Variants in GRK5 observed in about 807,000 individuals in gnomAD.
The protein encoded by GRK5 is G protein-coupled receptor kinase 5.
A neutral mutation model predicts 78.4 loss-of-function variants in GRK5; 40 were observed. That is an observed-to-expected ratio of 0.51 (90% CI 0.40 to 0.66). The LOEUF is 0.66. GRK5 is among the 30% of genes least tolerant of loss of function. The pLI is 0.00. For synonymous variants in GRK5, 289 were observed against 296.8 expected (o/e 0.97, Z 0.27); for missense variants, 598 against 759.9 (o/e 0.79, Z 2.50).
intron 1 of GRK5, among the ~76,000 whole-genome samples, chr10:119,299,778 C>T: frequency 7.0e-6 from 1 of 142,308 alleles, no homozygotes. Flanking sequence ...GTGTCACAGA[C>T]TCTTCATTTA....
chr10:119,394,389 TGTGTCTGTGTGTGGGC>T, intron 3 of GRK5, among the ~76,000 whole-genome samples: 1 of 88,878 alleles, frequency 1.1e-5, no homozygotes, highest in Non-Finnish European at 2.5e-5. Context: ...TGTGTGTATC[TGTGTCTGTGTGTGGGC>T]ATGTGTGTGG....
chr10:119,402,707 A>G (rs569652534), intron 4 of GRK5, among the ~76,000 whole-genome samples: 5 of 152,080 alleles, frequency 3.3e-5, no homozygotes, highest in Admixed American at 6.5e-5. Flanking sequence ...ACAAAAAATC[A>G]GCTGGGCATG....
chr10:119,319,001 C>T (rs903184440), intron 1 of GRK5, among the ~76,000 whole-genome samples: 6 of 152,196 alleles, frequency 3.9e-5, no homozygotes, highest in African/African-American at 7.2e-5. Context: ...GTGCTTGGCC[C>T]GTGCTTAAGA....
intron 1 of GRK5, among the ~76,000 whole-genome samples, chr10:119,315,609 G>A (rs1850472282): frequency 6.6e-6 from 1 of 152,218 alleles, no homozygotes; most frequent in South Asian, 2.1e-4. Context: ...ATATTTTCTG[G>A]AAATCCAGCC....
intron 3 of GRK5, among the ~76,000 whole-genome samples, chr10:119,392,043 G>C (rs562131222): frequency 6.6e-6 from 1 of 152,286 alleles, no homozygotes; most frequent in African/African-American, 2.4e-5. Context: ...CTTTGAAAAC[G>C]TGGCAGGTTC....
At chr10:119,395,601 TG>T (rs1202043575) in intron 3 of GRK5, among the ~76,000 whole-genome samples, 1 of 152,232 alleles carries the variant, frequency 6.6e-6, no homozygotes, top group Non-Finnish European at 1.5e-5. Flanking sequence ...TTTGTCTAAA[TG>T]AGAAAGGGCC....
chr10:119,279,607 C>T (rs577803430), intron 1 of GRK5, among the ~76,000 whole-genome samples: 9 of 152,344 alleles, frequency 5.9e-5, no homozygotes, highest in South Asian at 4.1e-4. Context: ...TCCTTCAAAA[C>T]GTGCCGTGGT....
chr10:119,356,845 C>T (rs777182321), intron 2 of GRK5, among the ~76,000 whole-genome samples: 6 of 152,242 alleles, frequency 3.9e-5, no homozygotes, highest in Non-Finnish European at 7.3e-5. Flanking sequence ...TTTGTATTCT[C>T]ATATAGGAAC....
At chr10:119,334,460 A>T (rs1850840776) in intron 2 of GRK5, 1 of 152,586 alleles carries the variant, frequency 6.6e-6, no homozygotes, top group South Asian at 2.1e-4. Context: ...TGCTCAGTGA[A>T]ACATCAAATA....
intron 1 of GRK5, among the ~76,000 whole-genome samples, chr10:119,248,009 G>A (rs11198844): frequency 2.6e-4 from 39 of 152,092 alleles, no homozygotes; most frequent in Non-Finnish European, 4.0e-4. Context: ...ACACAAATAC[G>A]TAATTAGCTT....
chr10:119,366,087 G>A (rs1851444518), intron 2 of GRK5, among the ~76,000 whole-genome samples: 1 of 152,234 alleles, frequency 6.6e-6, no homozygotes, highest in African/African-American at 2.4e-5. Context: ...TGTCCTGTTG[G>A]CTTAAGGACT....
intron 8 of GRK5, 111 bp from the exon 9 acceptor site, chr10:119,436,540 G>A: frequency 9.4e-7 from 1 of 1,060,818 alleles, no homozygotes; most frequent in Admixed American, 2.0e-5. Flanking sequence ...AGGGGAGCAG[G>A]GTGAGGCTCC....
intron 10 of GRK5, among the ~76,000 whole-genome samples, chr10:119,440,169 C>T (rs1357225382): frequency 6.6e-6 from 1 of 152,178 alleles, no homozygotes; most frequent in East Asian, 1.9e-4. Flanking sequence ...CTGCCCTGCC[C>T]TGCCCACCCA....
chr10:119,231,706 C>CAAAAAAAA (rs797013887), intron 1 of GRK5, among the ~76,000 whole-genome samples: 2 of 60,696 alleles, frequency 3.3e-5, no homozygotes, highest in Non-Finnish European at 3.5e-5. Context: ...GACTCTGCCT[C>CAAAAAAAA]AAAAAAAAAA....
At chr10:119,423,304 T>TCCCATCTCTGGGCA in intron 5 of GRK5, 38 bp downstream of exon 5, 1 of 1,417,198 alleles carries the variant, frequency 7.1e-7, no homozygotes, top group Non-Finnish European at 1.0e-6. Flanking sequence ...CTCCCCGGGC[T>TCCCATCTCTGGGCA]GCCCAGAGAT....
intron 2 of GRK5, among the ~76,000 whole-genome samples, chr10:119,331,604 C>T (rs1208755131): frequency 6.6e-6 from 1 of 152,170 alleles, no homozygotes; most frequent in Non-Finnish European, 1.5e-5. Context: ...GGGACAGGGC[C>T]CCTTTAGGGT....
chr10:119,366,590 C>G (rs1043531192), intron 2 of GRK5, among the ~76,000 whole-genome samples: 2 of 152,192 alleles, frequency 1.3e-5, no homozygotes, highest in African/African-American at 4.8e-5. Context: ...GGCCCAGCCA[C>G]TAGATGTTGA....
chr10:119,398,414 T>C (rs376832770), intron 4 of GRK5, among the ~76,000 whole-genome samples: 2 of 117,548 alleles, frequency 1.7e-5, no homozygotes, highest in African/African-American at 6.5e-5. Context: ...ATCCACGAGA[T>C]TGCCCTATTT....
chr10:119,336,268 G>A lies in GRK5; in HGVS notation c.148+9657G>A, dbSNP rs1400142254. The A allele has an allele frequency of 1.3e-5, 2 of 152,216 alleles. No individual in the cohort carries two copies. Among genetic ancestry groups the A allele is most frequent in the Non-Finnish European group, 2.9e-5 (2 of 68,122 alleles). 9.4% of individuals were successfully genotyped at this position (152,216 alleles called of 1,614,324 possible). A position where few individuals can be genotyped will look rare whatever the true frequency, so the allele number is the denominator to read the frequency against. On this transcript the variant is annotated intron_variant, in intron 2 of 15. Coordinates refer to ENST00000392870, the MANE Select transcript of GRK5 (RefSeq NM_005308.3). The surrounding 1 kb of genome is among the most constrained non-coding windows in gnomAD (Gnocchi z 4.5). ...CTTCCTTCCTCCCCACGGCTCCACA[G>A]TTTGCCCAGGGAAGCTGGAAGCATC... is the stretch of plus-strand genomic sequence containing the variant.
Sources: allele counts gnomAD v4.1 joint callset (sites outside exome capture counted in the v4.1 genomes callset), GRCh38; gene constraint gnomAD v4.1.1; non-coding constraint Gnocchi (gnomAD v3.1); transcripts MANE v1.5; gene names NCBI Gene and HGNC (gene_info 2026-07-23, HGNC 2026-07-21).